The following TBL1X variants were observed in gnomAD, a reference collection of about 807,000 sequenced individuals.
TBL1X encodes transducin beta like 1 X-linked, also known as F-box-like/WD repeat-containing protein TBL1X.
Under a neutral mutation model 50.7 loss-of-function variants are expected in TBL1X, and 10 were observed. The ratio of observed to expected loss-of-function variants is 0.20; its 90% CI spans 0.12 to 0.33. The LOEUF (loss-of-function observed/expected upper bound fraction) is 0.33, where lower values mean the gene tolerates loss of function less well. TBL1X is among the 10% of genes least tolerant of loss of function. The pLI is 1.00. For synonymous variants in TBL1X, 190 were observed against 214.7 expected (o/e 0.88, Z 1.01); for missense variants, 340 against 504.4 (o/e 0.67, Z 3.12).
intron 2 of TBL1X, among the ~76,000 whole-genome samples, chrX:9,514,422 C>T (rs1391494271): frequency 9.0e-6 from 1 of 110,921 alleles, no homozygotes; most frequent in Non-Finnish European, 1.9e-5. Context: ...TTTCCTGGTT[C>T]GTTGCCTGTG....
chrX:9,652,367 C>T (rs1204046776), intron 3 of TBL1X, among the ~76,000 whole-genome samples: 1 of 111,979 alleles, frequency 8.9e-6, no homozygotes, highest in Non-Finnish European at 1.9e-5. Context: ...TAAGGTATGT[C>T]CCTGGCAGTA....
chrX:9,586,991 G>A (rs1256187832), intron 2 of TBL1X, among the ~76,000 whole-genome samples: 1 of 112,417 alleles, frequency 8.9e-6, no homozygotes, highest in East Asian at 2.8e-4. Flanking sequence ...GCTAAAATTA[G>A]ATTTGCCTTG....
At chrX:9,641,366 G>A (rs1006682184) in intron 3 of TBL1X, among the ~76,000 whole-genome samples, 6 of 111,795 alleles carry the variant, frequency 5.4e-5, no homozygotes, top group Non-Finnish European at 1.1e-4. Context: ...TTCGGTACGT[G>A]TGATTTTAAT....
rs751660008 is a variant in TBL1X at position 9,576,390 on chromosome X, T to C, written c.-130-63883T>C. ...GGAGCACAAACCCAGACCACACCCA[T>C]CGGGAGAGATTGACCTGAGTGATGC... On this transcript the variant is annotated intron_variant, in intron 2 of 17. Transcript: ENST00000645353. Among the ~76,000 whole-genome samples the C allele has an allele frequency of 1.7e-4, 19 of 112,397 alleles. No homozygotes were observed. The East Asian group carries it at 4.5e-3, about 26-fold the overall frequency.
At chrX:9,580,489 A>G (rs955615987) in intron 2 of TBL1X, among the ~76,000 whole-genome samples, 5 of 112,052 alleles carry the variant, frequency 4.5e-5, no homozygotes, top group Non-Finnish European at 7.5e-5. Flanking sequence ...ATATGCATCT[A>G]TATCAGTGAG....
intron 2 of TBL1X, among the ~76,000 whole-genome samples, chrX:9,563,283 C>G (rs73186399): frequency 0.037 from 4,214 of 112,805 alleles, 62 homozygotes; most frequent in Middle Eastern, 0.051. Context: ...AGGAGGAGTA[C>G]TTGAAGGAGT....
chrX:9,671,579 G>A (rs755229099), intron 5 of TBL1X, among the ~76,000 whole-genome samples: 1 of 113,090 alleles, frequency 8.8e-6, no homozygotes, highest in Non-Finnish European at 1.9e-5. Context: ...ATGTGTAGGA[G>A]TGGGTAAGTA....
At chrX:9,613,377 A>G (rs2082623266) in intron 2 of TBL1X, among the ~76,000 whole-genome samples, 10 of 111,088 alleles carry the variant, frequency 9.0e-5, no homozygotes. Flanking sequence ...ACCCCTTACC[A>G]TTTCATTTCC....
At chrX:9,570,570 A>C (rs1233020100) in intron 2 of TBL1X, among the ~76,000 whole-genome samples, 2 of 111,380 alleles carry the variant, frequency 1.8e-5, no homozygotes, top group Non-Finnish European at 3.8e-5. Flanking sequence ...CATTTCTGAC[A>C]TGCTTCACTC....
At chrX:9,470,506 T>G (rs1441799613) in intron 1 of TBL1X, among the ~76,000 whole-genome samples, 1 of 112,672 alleles carries the variant, frequency 8.9e-6, no homozygotes, top group African/African-American at 3.2e-5. Context: ...TCCACCTGCT[T>G]AGCCTCCCAA....
chrX:9,496,250 A>C (rs2081970767), intron 1 of TBL1X, among the ~76,000 whole-genome samples: 2 of 111,990 alleles, frequency 1.8e-5, no homozygotes, highest in Admixed American at 1.9e-4. Flanking sequence ...GGAAAGCTCC[A>C]CACCACAATG....
At chrX:9,687,892 CT>C (rs1353858844) in intron 6 of TBL1X, 124 bp from the exon 7 acceptor site, 8 of 1,086,665 alleles carry the variant, frequency 7.4e-6, no homozygotes, top group Non-Finnish European at 9.6e-6. Context: ...CCGTGGCCCC[CT>C]GGTTGCTGGG....
intron 4 of TBL1X, among the ~76,000 whole-genome samples, chrX:9,654,010 T>C (rs2082851380): frequency 8.9e-6 from 1 of 111,971 alleles, no homozygotes; most frequent in Admixed American, 9.5e-5. Context: ...TCTTGTTTTT[T>C]TGGAAAACAT....
At chrX:9,494,872 G>A (rs1023235624) in intron 1 of TBL1X, among the ~76,000 whole-genome samples, 10 of 112,235 alleles carry the variant, frequency 8.9e-5, no homozygotes, top group African/African-American at 2.9e-4. Flanking sequence ...TCAGGTCTTA[G>A]AGGAGTTGTA....
chrX:9,714,849 C>T (rs2083268637), intron 16 of TBL1X, 53 bp from the exon 17 acceptor site: 3 of 1,106,623 alleles, frequency 2.7e-6, no homozygotes, highest in South Asian at 3.8e-5. Context: ...TCCACACCTG[C>T]ATCTGTCGCA....
chrX:9,511,196 A>C (rs758198099), intron 2 of TBL1X, among the ~76,000 whole-genome samples: 4 of 112,540 alleles, frequency 3.6e-5, no homozygotes, highest in East Asian at 2.8e-4. Flanking sequence ...ACTCAATGGG[A>C]GTTAAAACAG....
chrX:9,547,964 T>C (rs959356876), intron 2 of TBL1X, among the ~76,000 whole-genome samples: 1 of 98,874 alleles, frequency 1.0e-5, no homozygotes, highest in African/African-American at 3.8e-5. Context: ...AACAACATAT[T>C]GACACATCCA....
chrX:9,545,995 A>G (rs1380880345), intron 2 of TBL1X, among the ~76,000 whole-genome samples: 1 of 111,572 alleles, frequency 9.0e-6, no homozygotes, highest in Admixed American at 9.5e-5. Flanking sequence ...ACAGCTGATG[A>G]TTATATTTCC....
intron 13 of TBL1X, 144 bp from the exon 14 acceptor site, chrX:9,709,104 C>G: frequency 2.0e-6 from 1 of 506,731 alleles, no homozygotes. Context: ...AACTAGATGG[C>G]TGGTTGGGCT....
Sources: gnomAD v4.1 joint callset for allele counts (sites outside exome capture counted in the v4.1 genomes callset) on GRCh38, gnomAD v4.1.1 for gene constraint, MANE v1.5 for transcripts, NCBI Gene and HGNC (gene_info 2026-07-23, HGNC 2026-07-21) for gene names.